The following GARRE1 variants were observed in gnomAD, a reference collection of about 807,000 sequenced individuals.
GARRE1 encodes granule associated Rac and RHOG effector 1.
Under a neutral mutation model 103.2 loss-of-function variants are expected in GARRE1, and 49 were observed. That is an observed-to-expected ratio of 0.47 (90% CI 0.38 to 0.60). GARRE1 has a LOEUF of 0.60. Ranked by LOEUF, GARRE1 falls within the 20% of genes least tolerant of loss-of-function variation. The pLI, the probability that GARRE1 is intolerant of heterozygous loss-of-function variation, is 0.00. For synonymous variants in GARRE1, 505 were observed against 532.8 expected (o/e 0.95, Z 0.72); for missense variants, 1,199 against 1,370.5 (o/e 0.87, Z 1.98).
In GARRE1 at chr19:34,320,022, A is replaced by T. The variant is rs1009408713; in HGVS notation, c.611A>T (p.Glu204Val). 1.2e-6 allele frequency: 2 copies of T among 1,614,190 alleles called. No individual in the cohort carries two copies. The highest frequency in any genetic ancestry group is 1.7e-5 in the Admixed American group (1 of 60,020). The change falls in exon 3 of 14, where the codon GAA becomes GTA. Residue 204 changes from glutamate to valine, a missense_variant. Physicochemically the swap from Glu to Val is moderately radical, Grantham distance 121. Coordinates refer to ENST00000299505, the MANE Select transcript of GARRE1 (RefSeq NM_014686.5). ...TGCTTTGCTGAGGTCATCGTGCCAG[A>T]AAAAAAGAACAGCGGCAGTGGCGGC... ...HSCFAEVIVP[E>V]KKNSGSGGGL... is the part of the protein sequence containing the mutation.
chr19:34,351,614 G>C (rs763891521), intron 13 of GARRE1, 22 bp downstream of exon 13: 1 of 1,576,228 alleles, frequency 6.3e-7, no homozygotes, highest in Non-Finnish European at 8.7e-7. Flanking sequence ...GGCTCTGTGG[G>C]CACAGACTTG....
chr19:34,307,909 G>GT (rs1479194658), intron 2 of GARRE1, among the ~76,000 whole-genome samples: 1 of 149,822 alleles, frequency 6.7e-6, no homozygotes, highest in Non-Finnish European at 1.5e-5. Context: ...AGCTTCCCGC[G>GT]TATCTGAGAC....
At chr19:34,281,001 C>T (rs1356799309) in intron 1 of GARRE1, among the ~76,000 whole-genome samples, 1 of 151,402 alleles carries the variant, frequency 6.6e-6, no homozygotes, top group Admixed American at 6.6e-5. Context: ...ACCATGATTT[C>T]AGACTGATTT....
rs369517486 is a variant in GARRE1, at chr19:34,332,136, TC to T, written c.1264-1567del. On this transcript the variant is annotated intron_variant, in intron 7 of 13. Transcript: ENST00000299505. ...ATTGAGGGTATACTGTCGTTTTGTT[TC>T]AAGCGGGTTAGGGCTCAGGTGGCCC... is the stretch of plus-strand genomic sequence containing the variant. Among the ~76,000 whole-genome samples the T allele has an allele frequency of 4.9e-3, 742 of 152,330 alleles. 3 individuals are homozygous for T. Among genetic ancestry groups the T allele is most frequent in the Non-Finnish European group, 8.1e-3 (551 of 68,026 alleles).
intron 1 of GARRE1, among the ~76,000 whole-genome samples, chr19:34,294,103 A>T (rs775763707): frequency 2.0e-5 from 3 of 151,930 alleles, no homozygotes; most frequent in Non-Finnish European, 4.4e-5. Flanking sequence ...CTAAATTATC[A>T]GGTGGACTGT....
At chr19:34,318,169 C>G (rs995733006) in intron 2 of GARRE1, among the ~76,000 whole-genome samples, 1 of 152,338 alleles carries the variant, frequency 6.6e-6, no homozygotes, top group African/African-American at 2.4e-5. Flanking sequence ...TTGCTGGGAA[C>G]TGGCTTGCCC....
intron 11 of GARRE1, chr19:34,348,255 C>A: frequency 2.5e-6 from 1 of 396,220 alleles, no homozygotes; most frequent in Middle Eastern, 6.4e-4. Context: ...TCCCTGTGAA[C>A]GTGCCATTGG....
rs1203665784 is a variant in GARRE1, at chr19:34,271,951, C to A, written c.-796+17337C>A. On this transcript the variant is annotated intron_variant, in intron 1 of 13. Coordinates refer to ENST00000299505, the MANE Select transcript of GARRE1 (RefSeq NM_014686.5). ...CCTTGATATTGCTTGCTCTGGAAGT[C>A]AATTTCCTTGGAAGCTGAGTAGTGC... is the stretch of plus-strand genomic sequence containing the variant. Among the ~76,000 whole-genome samples the A allele has an allele frequency of 2.0e-5, 3 of 152,092 alleles. No homozygotes were observed. In the East Asian group the frequency reaches 5.8e-4, roughly 29 times the overall value.
At chr19:34,308,969 T>C (rs2074024307) in intron 2 of GARRE1, among the ~76,000 whole-genome samples, 1 of 152,080 alleles carries the variant, frequency 6.6e-6, no homozygotes, top group African/African-American at 2.4e-5. Flanking sequence ...ATCTCATTGA[T>C]CAGCCTTAGT....
At chr19:34,262,296 T>TTTTTTTTTTTTTG in intron 1 of GARRE1, among the ~76,000 whole-genome samples, 1 of 121,886 alleles carries the variant, frequency 8.2e-6, no homozygotes, top group Non-Finnish European at 1.8e-5. Flanking sequence ...GCTTTTTTTT[T>TTTTTTTTTTTTTG]TTTTTTTTTT....
chr19:34,301,915 C>T (rs1471748649), intron 2 of GARRE1, among the ~76,000 whole-genome samples: 1 of 147,870 alleles, frequency 6.8e-6, no homozygotes, highest in Non-Finnish European at 1.5e-5. Flanking sequence ...GATCTCCTGA[C>T]CTTGTGATCT....
chr19:34,257,884 CT>C (rs1038650248), intron 1 of GARRE1, among the ~76,000 whole-genome samples: 3 of 121,798 alleles, frequency 2.5e-5, no homozygotes, highest in Admixed American at 1.5e-4. Flanking sequence ...TTTTCTTTTT[CT>C]TTTTTTTCTT....
intron 11 of GARRE1, chr19:34,348,683 C>T (rs1385483914): frequency 5.0e-6 from 1 of 199,192 alleles, no homozygotes; most frequent in Non-Finnish European, 1.0e-5. Flanking sequence ...TAATGTGTGC[C>T]ATGGTGGTTT....
rs926725519 is a variant in GARRE1, at chr19:34,321,517, C to T, written c.705+1401C>T. On this transcript the variant is annotated intron_variant, in intron 3 of 13. Coordinates refer to ENST00000299505, the MANE Select transcript of GARRE1 (RefSeq NM_014686.5). ...TCGCCCAGGCTGGAGTGCAGTGGCA[C>T]GATCTTGGCTCACTGCAACCTCCGC... is the stretch of plus-strand genomic sequence containing the variant. 3.3e-5 allele frequency among the ~76,000 whole-genome samples: 5 copies of T among 151,458 alleles called. No homozygotes were observed. In the South Asian group the frequency reaches 6.3e-4, roughly 19 times the overall value.
chr19:34,331,991 TAA>T (rs77839977), intron 7 of GARRE1, among the ~76,000 whole-genome samples: 26 of 135,914 alleles, frequency 1.9e-4, no homozygotes, highest in Non-Finnish European at 2.2e-4. Context: ...ATCCAGTCTT[TAA>T]AAAAAAAAAA....
chr19:34,271,853 A>C (rs1015836493), intron 1 of GARRE1, among the ~76,000 whole-genome samples: 19 of 152,066 alleles, frequency 1.2e-4, no homozygotes, highest in Admixed American at 4.6e-4. Context: ...AAACAAAAAC[A>C]AAAAAACTAG....
intron 1 of GARRE1, chr19:34,296,506 C>A: frequency 3.1e-6 from 5 of 1,595,126 alleles, no homozygotes; most frequent in Non-Finnish European, 4.2e-6. Flanking sequence ...GGCTTAACCT[C>A]CTTGGGCTTT....
At position 34,353,593 on chromosome 19, in the gene GARRE1, T is replaced by A. The variant is rs2074252846; in HGVS notation, c.*638T>A. ...TGATTGGAAGCAGTCACCTGGGGTT[T>A]CTGGGGGTGGACAGTTCCTCGCCAC... On this transcript the variant is annotated 3_prime_UTR_variant, in exon 14 of 14. Transcript: ENST00000299505. The A allele has an allele frequency of 6.6e-6, 1 of 152,238 alleles. No individual in the cohort carries two copies. Among genetic ancestry groups the A allele is most frequent in the African/African-American group, 2.4e-5 (1 of 41,466 alleles). The allele number at this position is 152,238 out of a possible 1,614,324, so 9.4% of individuals were successfully genotyped here. A position where few individuals can be genotyped will look rare whatever the true frequency, so the allele number is the denominator to read the frequency against.
chr19:34,311,744 G>A (rs1169237499), intron 2 of GARRE1, among the ~76,000 whole-genome samples: 5 of 152,074 alleles, frequency 3.3e-5, no homozygotes, highest in Non-Finnish European at 5.9e-5. Flanking sequence ...CCAAGTAGGT[G>A]GGATTACAGG....
Sources: allele counts gnomAD v4.1 joint callset (sites outside exome capture counted in the v4.1 genomes callset), GRCh38; gene constraint gnomAD v4.1.1; transcripts MANE v1.5; gene names NCBI Gene and HGNC (gene_info 2026-07-23, HGNC 2026-07-21).